Variants in RORA observed in about 807,000 individuals in gnomAD.
RORA encodes the protein nuclear receptor ROR-alpha.
In RORA, 7 loss-of-function variants were observed where a neutral mutation model predicts 69.5. That is an observed-to-expected ratio of 0.10 (90% CI 0.06 to 0.19). RORA has a LOEUF of 0.19. Among genes scored for constraint, RORA ranks in the 10% least tolerant of loss-of-function variants. The pLI is 1.00. For synonymous variants in RORA, 261 were observed against 240.8 expected, an observed-to-expected ratio of 1.08 and a Z score of -0.78; for missense variants, 457 against 663.0, an observed-to-expected ratio of 0.69 and a Z score of 3.41.
intron 2 of RORA, among the ~76,000 whole-genome samples, chr15:60,541,499 G>T (rs1726741155): frequency 1.3e-5 from 2 of 152,198 alleles, no homozygotes. Flanking sequence ...CCTGAGAATG[G>T]ATAGCAATAT....
At chr15:60,540,054 G>T (rs1439933729) in intron 2 of RORA, among the ~76,000 whole-genome samples, 1 of 152,146 alleles carries the variant, frequency 6.6e-6, no homozygotes, top group African/African-American at 2.4e-5. Flanking sequence ...ATTAGACTAT[G>T]CTCAAGGGAA....
intron 1 of RORA, among the ~76,000 whole-genome samples, chr15:60,948,657 G>C (rs920213815): frequency 1.3e-5 from 2 of 152,194 alleles, no homozygotes; most frequent in Non-Finnish European, 2.9e-5. Flanking sequence ...GCTTAGACAA[G>C]TTATGTGACT....
intron 1 of RORA, among the ~76,000 whole-genome samples, chr15:60,749,039 C>T (rs1595682864): frequency 6.6e-6 from 1 of 152,102 alleles, no homozygotes; most frequent in African/African-American, 2.4e-5. Context: ...ATGCACATTC[C>T]TAGAGTCCAT....
intron 1 of RORA, among the ~76,000 whole-genome samples, chr15:60,786,468 G>A (rs1382047309): frequency 6.6e-6 from 1 of 152,238 alleles, no homozygotes; most frequent in East Asian, 1.9e-4. Flanking sequence ...GATGCACCTT[G>A]CACAGCAGGA....
chr15:61,085,989 T>C (rs986424785), intron 1 of RORA, among the ~76,000 whole-genome samples: 7 of 152,202 alleles, frequency 4.6e-5, no homozygotes, highest in African/African-American at 1.4e-4. Flanking sequence ...TCATAGTTTG[T>C]CAACTGCACA....
chr15:60,556,439 C>G (rs2067361248), intron 2 of RORA, among the ~76,000 whole-genome samples: 2 of 152,352 alleles, frequency 1.3e-5, no homozygotes, highest in South Asian at 4.1e-4. Flanking sequence ...CCCGCCTTTT[C>G]TCTTTTATGA....
chr15:60,719,964 A>G (rs1270889785), intron 1 of RORA, among the ~76,000 whole-genome samples: 4 of 152,192 alleles, frequency 2.6e-5, no homozygotes, highest in Non-Finnish European at 4.4e-5. Flanking sequence ...AATGCAAAAT[A>G]TACCACCTGG....
intron 1 of RORA, among the ~76,000 whole-genome samples, chr15:60,804,667 G>T (rs78631856): frequency 0.048 from 7,348 of 152,210 alleles, 232 homozygotes; most frequent in Admixed American, 0.086. Flanking sequence ...AAATATTTTT[G>T]AATTTCCACA....
intron 1 of RORA, among the ~76,000 whole-genome samples, chr15:60,790,235 A>G (rs1327500237): frequency 2.0e-5 from 3 of 152,328 alleles, no homozygotes; most frequent in Non-Finnish European, 2.9e-5. Context: ...CCTGCAAACC[A>G]GAGAGTCGAA....
intron 2 of RORA, among the ~76,000 whole-genome samples, chr15:60,561,120 C>T (rs1312138454): frequency 7.5e-6 from 1 of 132,584 alleles, no homozygotes; most frequent in African/African-American, 3.1e-5. Context: ...CTCGCTCTGT[C>T]GCCCAGGCTG....
At chr15:60,998,401 T>C (rs896083986) in intron 1 of RORA, among the ~76,000 whole-genome samples, 59 of 86,218 alleles carry the variant, frequency 6.8e-4, no homozygotes, top group African/African-American at 2.4e-3. Flanking sequence ...TATATTTCTT[T>C]CTTTTTTTTT....
intron 1 of RORA, among the ~76,000 whole-genome samples, chr15:61,045,449 C>T (rs1226713663): frequency 6.6e-6 from 1 of 152,178 alleles, no homozygotes; most frequent in Non-Finnish European, 1.5e-5. Flanking sequence ...ACTTTAATGA[C>T]TGAGAAGCTG....
intron 1 of RORA, among the ~76,000 whole-genome samples, chr15:60,725,418 AT>A (rs1313525224): frequency 2.6e-5 from 4 of 152,132 alleles, no homozygotes; most frequent in Admixed American, 6.5e-5. Context: ...CCATGGAAAA[AT>A]TTTTTTAATT....
At position 60,611,559 on chromosome 15, in the gene RORA, CAAAAAAAAAAA is replaced by C. The variant is rs533598270; in HGVS notation, c.196+67087_196+67097del. On this transcript the variant is annotated intron_variant, in intron 2 of 10. Transcript: ENST00000335670. ...TTACCTCAAACAATCTTGAGTTTTG[CAAAAAAAAAAA>C]AAAAAAAAAAAAAAAAAAAGGTGGA... Among the ~76,000 whole-genome samples, 289 of 35,810 alleles carry C rather than the reference CAAAAAAAAAAA, an allele frequency of 8.1e-3. 6 individuals are homozygous for C. Among genetic ancestry groups the C allele is most frequent in the African/African-American group, 0.03 (266 of 8,770 alleles). The allele number at this position is 35,810 out of a possible 152,430, so 23.5% of individuals were successfully genotyped here.
At chr15:60,845,514 G>A (rs17303202) in intron 1 of RORA, among the ~76,000 whole-genome samples, 46,675 of 151,980 alleles carry the variant, frequency 0.31, 7,401 homozygotes, top group South Asian at 0.39. Flanking sequence ...ATGAGCTTCC[G>A]GGGGTGCCGA....
chr15:61,050,846 G>A (rs924459960), intron 1 of RORA, among the ~76,000 whole-genome samples: 6 of 152,142 alleles, frequency 3.9e-5, no homozygotes, highest in Non-Finnish European at 7.3e-5. Context: ...TATGGGTGAG[G>A]AAACCAAGTC....
chr15:61,038,640 T>C (rs553794507), intron 1 of RORA, among the ~76,000 whole-genome samples: 31 of 152,346 alleles, frequency 2.0e-4, no homozygotes, highest in Admixed American at 3.9e-4. Context: ...CCTGGCAAGA[T>C]GCCAAAGACA....
At chr15:60,783,365 T>G (rs1480701290) in intron 1 of RORA, among the ~76,000 whole-genome samples, 1 of 152,224 alleles carries the variant, frequency 6.6e-6, no homozygotes, top group African/African-American at 2.4e-5. Flanking sequence ...AAAAATTAAT[T>G]AAATTTTATT....
intron 1 of RORA, among the ~76,000 whole-genome samples, chr15:60,901,973 A>T (rs1377200312): frequency 6.6e-6 from 1 of 152,218 alleles, no homozygotes; most frequent in African/African-American, 2.4e-5. Context: ...CACCCCTTTG[A>T]GGCCACTGCA....
Sources: gnomAD v4.1 joint callset for allele counts (sites outside exome capture counted in the v4.1 genomes callset) on GRCh38, gnomAD v4.1.1 for gene constraint, MANE v1.5 for transcripts, NCBI Gene and HGNC (gene_info 2026-07-23, HGNC 2026-07-21) for gene names.